The following FHIT variants were observed in gnomAD, a reference collection of about 807,000 sequenced individuals.
The protein encoded by FHIT is bis(5'-adenosyl)-triphosphatase.
Under a neutral mutation model 17.9 loss-of-function variants are expected in FHIT, and 19 were observed. The ratio of observed to expected loss-of-function variants is 1.06; its 90% CI spans 0.74 to 1.56. FHIT has a LOEUF of 1.56. Ranked by LOEUF, FHIT falls within the 40% of genes most tolerant of loss-of-function variation. FHIT has a pLI of 0.00. For missense variants in FHIT, 248 were observed against 189.2 expected (o/e 1.31, Z -1.82); for synonymous variants, 81 against 69.7 (o/e 1.16, Z -0.81).
intron 5 of FHIT, among the ~76,000 whole-genome samples, chr3:60,446,402 T>A (rs898388738): frequency 2.0e-5 from 3 of 152,126 alleles, no homozygotes; most frequent in Non-Finnish European, 4.4e-5. Flanking sequence ...TTTCATCCAA[T>A]TTGGAATTGA....
chr3:60,488,423 G>A (rs564819816), intron 5 of FHIT, among the ~76,000 whole-genome samples: 3 of 152,210 alleles, frequency 2.0e-5, no homozygotes, highest in African/African-American at 7.2e-5. Flanking sequence ...AAGTAACCCT[G>A]TATTTACTCA....
chr3:60,821,062 A>G lies in FHIT; in HGVS notation c.-18+857T>C, dbSNP rs138956604. On this transcript the variant is annotated intron_variant, in intron 4 of 9. Coordinates refer to ENST00000492590, the MANE Select transcript of FHIT (RefSeq NM_002012.4). Reference sequence around the variant, plus strand: ...ATGATCTTAGCTCACTGCAACCTCCACCTCCCAGGTTCAAGTGATTCTCCT... The same window carrying G: ...ATGATCTTAGCTCACTGCAACCTCCGCCTCCCAGGTTCAAGTGATTCTCCT... 1.8e-3 allele frequency among the ~76,000 whole-genome samples: 278 copies of G among 151,472 alleles called. 1 individual carries two copies. The highest frequency in any genetic ancestry group is 6.5e-3 in the African/African-American group (270 of 41,266).
chr3:60,453,078 A>G (rs183877178), intron 5 of FHIT, among the ~76,000 whole-genome samples: 5 of 152,322 alleles, frequency 3.3e-5, no homozygotes, highest in Admixed American at 3.3e-4. Flanking sequence ...ATTAAATACC[A>G]TTAGAAAGAT....
intron 5 of FHIT, among the ~76,000 whole-genome samples, chr3:60,462,597 C>A (rs553387292): frequency 2.0e-5 from 3 of 152,198 alleles, no homozygotes; most frequent in Admixed American, 1.3e-4. Context: ...GGAAGAGCAT[C>A]GAGGTAGGAG....
intron 4 of FHIT, among the ~76,000 whole-genome samples, chr3:60,731,648 C>T (rs550313741): frequency 6.6e-6 from 1 of 152,092 alleles, no homozygotes; most frequent in African/African-American, 2.4e-5. Flanking sequence ...AGTTAAACTC[C>T]ACCATTTTGC....
chr3:61,234,406 A>G (rs2040179484), intron 1 of FHIT, among the ~76,000 whole-genome samples: 1 of 152,224 alleles, frequency 6.6e-6, no homozygotes, highest in Non-Finnish European at 1.5e-5. Flanking sequence ...TCATGTTCTA[A>G]CAGTGGAATA....
At chr3:60,384,582 C>T (rs1037860753) in intron 5 of FHIT, among the ~76,000 whole-genome samples, 22 of 151,862 alleles carry the variant, frequency 1.4e-4, no homozygotes, top group Non-Finnish European at 2.8e-4. Context: ...CGCTTTATTA[C>T]CACGAAACTG....
At chr3:61,171,988 G>T (rs1243372868) in intron 2 of FHIT, among the ~76,000 whole-genome samples, 1 of 152,130 alleles carries the variant, frequency 6.6e-6, no homozygotes, top group Admixed American at 6.6e-5. Flanking sequence ...GATGGACGGG[G>T]GAAAAGAAAT....
intron 5 of FHIT, among the ~76,000 whole-genome samples, chr3:60,279,394 T>C (rs1302690084): frequency 1.3e-5 from 2 of 152,146 alleles, no homozygotes; most frequent in East Asian, 3.8e-4. Flanking sequence ...CTGTATCTTT[T>C]TAAAACATTG....
At chr3:60,329,104 A>G (rs1709838523) in intron 5 of FHIT, among the ~76,000 whole-genome samples, 1 of 152,230 alleles carries the variant, frequency 6.6e-6, no homozygotes, top group South Asian at 2.1e-4. Context: ...CATCTCAAGG[A>G]TGAGAACCAT....
chr3:60,871,120 T>C (rs531076801), intron 3 of FHIT, among the ~76,000 whole-genome samples: 78 of 152,292 alleles, frequency 5.1e-4, no homozygotes, highest in African/African-American at 1.9e-3. Context: ...TCCTTATCCA[T>C]AGGGCAGCTC....
chr3:60,554,898 A>T (rs1171646172), intron 4 of FHIT, among the ~76,000 whole-genome samples: 2 of 152,232 alleles, frequency 1.3e-5, no homozygotes, highest in East Asian at 3.8e-4. Flanking sequence ...AAAACGGAGT[A>T]TAAGGCTAAT....
chr3:59,756,647 T>G (rs1701235654), intron 8 of FHIT, among the ~76,000 whole-genome samples: 1 of 152,166 alleles, frequency 6.6e-6, no homozygotes, highest in Non-Finnish European at 1.5e-5. Context: ...GCAGACCCCT[T>G]AAAAAGGTGT....
At chr3:60,346,578 TGA>T (rs1710792536) in intron 5 of FHIT, among the ~76,000 whole-genome samples, 1 of 152,196 alleles carries the variant, frequency 6.6e-6, no homozygotes, top group Admixed American at 6.5e-5. Context: ...CACGCTTTGC[TGA>T]GAGTTTGTTT....
intron 2 of FHIT, among the ~76,000 whole-genome samples, chr3:61,070,157 G>T (rs1480135181): frequency 6.6e-6 from 1 of 152,150 alleles, no homozygotes; most frequent in Non-Finnish European, 1.5e-5. Flanking sequence ...GCTTCCCAAA[G>T]TGCTGAGATT....
intron 8 of FHIT, among the ~76,000 whole-genome samples, chr3:59,796,402 C>G (rs1173896465): frequency 1.3e-5 from 2 of 152,188 alleles, no homozygotes; most frequent in Non-Finnish European, 2.9e-5. Context: ...GCCTGTGACA[C>G]TCTGTTTCCA....
chr3:60,544,899 C>G (rs908856134), intron 4 of FHIT, among the ~76,000 whole-genome samples: 2 of 152,110 alleles, frequency 1.3e-5, no homozygotes, highest in East Asian at 3.9e-4. Context: ...GCTCAGCCAA[C>G]TTATCTAGTT....
intron 5 of FHIT, among the ~76,000 whole-genome samples, chr3:60,154,093 AAGTT>A (rs2107340851): frequency 6.6e-6 from 1 of 152,342 alleles, no homozygotes; most frequent in South Asian, 2.1e-4. Flanking sequence ...CCTGGAAAGT[AAGTT>A]AGTAACAGAA....
chr3:60,113,929 G>T (rs1157154115), intron 5 of FHIT, among the ~76,000 whole-genome samples: 1 of 139,904 alleles, frequency 7.1e-6, no homozygotes, highest in African/African-American at 2.7e-5. Flanking sequence ...GTGAACCCGG[G>T]AGGCGGAGCT....
Sources: gnomAD v4.1 joint callset for allele counts (sites outside exome capture counted in the v4.1 genomes callset) on GRCh38, gnomAD v4.1.1 for gene constraint, MANE v1.5 for transcripts, NCBI Gene and HGNC (gene_info 2026-07-23, HGNC 2026-07-21) for gene names.